The following PLEKHG1 variants were observed in gnomAD, a reference collection of about 807,000 sequenced individuals.
The protein encoded by PLEKHG1 is pleckstrin homology domain-containing family G member 1.
In PLEKHG1, 44 loss-of-function variants were observed where a neutral mutation model predicts 100.8. That is an observed-to-expected ratio of 0.44 (90% confidence interval 0.34 to 0.56). The LOEUF (loss-of-function observed/expected upper bound fraction) is 0.56. Ranked by LOEUF, PLEKHG1 falls within the 20% of genes least tolerant of loss-of-function variation. The probability of loss-of-function intolerance (pLI) is 0.01; values close to 1 mark genes in which losing one functional copy is unlikely to be tolerated. For synonymous variants in PLEKHG1, 640 were observed against 662.5 expected (o/e 0.97, Z 0.52); for missense variants, 1,545 against 1,720.9 (o/e 0.90, Z 1.81).
chr6:150,644,332 G>GGGTTTTTTTTTTTTT (rs1562404967), intron 2 of PLEKHG1, among the ~76,000 whole-genome samples: 4 of 96,562 alleles, frequency 4.1e-5, no homozygotes, highest in African/African-American at 1.8e-4. Flanking sequence ...TTTTCTTTTC[G>GGGTTTTTTTTTTTTT]TGTTTTTTTT....
chr6:150,792,357 C>CAAAA (rs34263748), intron 4 of PLEKHG1, among the ~76,000 whole-genome samples: 1 of 87,082 alleles, frequency 1.1e-5, no homozygotes, highest in African/African-American at 4.0e-5. Flanking sequence ...ACTCAGTCTC[C>CAAAA]AAAAAAAAAA....
At chr6:150,749,766 CT>C (rs1783387994) in intron 2 of PLEKHG1, among the ~76,000 whole-genome samples, 1 of 152,188 alleles carries the variant, frequency 6.6e-6, no homozygotes, top group Non-Finnish European at 1.5e-5. Context: ...TCAAGGACTA[CT>C]TTTGGTAAGA....
At chr6:150,608,724 A>T (rs1776703699) in intron 1 of PLEKHG1, among the ~76,000 whole-genome samples, 2 of 152,234 alleles carry the variant, frequency 1.3e-5, no homozygotes, top group Admixed American at 1.3e-4. Flanking sequence ...ATATTATGAA[A>T]AAAACTGTGT....
intron 1 of PLEKHG1, among the ~76,000 whole-genome samples, chr6:150,609,638 T>G (rs1469971391): frequency 6.6e-6 from 1 of 152,098 alleles, no homozygotes; most frequent in Non-Finnish European, 1.5e-5. Context: ...CGGGAGGATT[T>G]GAAGCAGGGG....
chr6:150,609,326 T>C (rs1776727704), intron 1 of PLEKHG1, among the ~76,000 whole-genome samples: 1 of 152,170 alleles, frequency 6.6e-6, no homozygotes, highest in African/African-American at 2.4e-5. Flanking sequence ...TTGTATTTGC[T>C]TGGGTGGTCA....
intron 15 of PLEKHG1, among the ~76,000 whole-genome samples, chr6:150,838,574 G>A (rs924200184): frequency 1.1e-4 from 17 of 152,182 alleles, no homozygotes; most frequent in African/African-American, 3.6e-4. Flanking sequence ...CTGGATTGGG[G>A]AGGGTGGCAG....
rs185699744 is a variant in PLEKHG1 at position 150,819,901 on chromosome 6, G to A, written c.1408+127G>A. The A allele has an allele frequency of 4.2e-4, 283 of 672,354 alleles. 3 individuals carry two copies. The highest frequency in any genetic ancestry group is 4.1e-3 in the African/African-American group (228 of 56,074). The allele number at this position is 672,354 out of a possible 1,614,324, so 41.6% of individuals were successfully genotyped here. A position where few individuals can be genotyped will look rare whatever the true frequency, so the allele number is the denominator to read the frequency against. On this transcript the variant is annotated intron_variant, in intron 12 of 15. Transcript: ENST00000358517. ...TCACTGCCGGTCTGAATACATTTGC[G>A]GCTGCCTTAAGATGGGACTCATGAG...
chr6:150,788,474 T>C (rs1251462488), intron 4 of PLEKHG1, among the ~76,000 whole-genome samples: 1 of 152,248 alleles, frequency 6.6e-6, no homozygotes, highest in African/African-American at 2.4e-5. Context: ...TGTCGTGGTA[T>C]GTGTAGGTTA....
At chr6:150,802,381 C>T (rs1786763337) in intron 6 of PLEKHG1, among the ~76,000 whole-genome samples, 1 of 152,134 alleles carries the variant, frequency 6.6e-6, no homozygotes. Flanking sequence ...AATATAATGT[C>T]TAAGACTGGT....
At chr6:150,812,807 GAC>G (rs1338590286) in intron 10 of PLEKHG1, among the ~76,000 whole-genome samples, 1 of 152,050 alleles carries the variant, frequency 6.6e-6, no homozygotes, top group Non-Finnish European at 1.5e-5. Flanking sequence ...AAGAGGATGG[GAC>G]ACACAGGAAT....
chr6:150,761,159 G>A (rs1784141375), intron 2 of PLEKHG1, among the ~76,000 whole-genome samples: 1 of 135,836 alleles, frequency 7.4e-6, no homozygotes, highest in Admixed American at 8.0e-5. Flanking sequence ...AGGCTGGAGT[G>A]CAGTGGCACA....
intron 15 of PLEKHG1, among the ~76,000 whole-genome samples, chr6:150,837,794 G>A (rs946752578): frequency 3.2e-4 from 48 of 152,302 alleles, no homozygotes; most frequent in African/African-American, 1.1e-3. Context: ...GGTGTCTGTG[G>A]AGACTTTTAC....
chr6:150,757,561 A>ATGTGTG (rs141610846), intron 2 of PLEKHG1, among the ~76,000 whole-genome samples: 1,667 of 150,242 alleles, frequency 0.011, 31 homozygotes, highest in African/African-American at 0.039. Context: ...GCACACAAGT[A>ATGTGTG]TGTGTGTGTG....
At chr6:150,693,603 T>C (rs1444669983) in intron 3 of PLEKHG1, among the ~76,000 whole-genome samples, 12 of 152,206 alleles carry the variant, frequency 7.9e-5, no homozygotes, top group Admixed American at 7.2e-4. Context: ...CACTCCCCCA[T>C]GTGTTTCGTC....
intron 3 of PLEKHG1, among the ~76,000 whole-genome samples, chr6:150,653,448 AT>A (rs1379162338): frequency 1.3e-5 from 2 of 152,138 alleles, no homozygotes; most frequent in Non-Finnish European, 2.9e-5. Flanking sequence ...CAAAAAAAAA[AT>A]AAAAGTAAAC....
intron 2 of PLEKHG1, among the ~76,000 whole-genome samples, chr6:150,647,257 G>A (rs1195279382): frequency 6.6e-6 from 1 of 152,092 alleles, no homozygotes; most frequent in African/African-American, 2.4e-5. Flanking sequence ...CTTTTATTTT[G>A]TCCTGCATAT....
chr6:150,750,731 A>C (rs1783463416), intron 2 of PLEKHG1, among the ~76,000 whole-genome samples: 1 of 129,236 alleles, frequency 7.7e-6, no homozygotes, highest in African/African-American at 3.4e-5. Context: ...CAGTGAGCCG[A>C]GATCCCGCCA....
At chr6:150,820,701 C>G (rs1776244283) in intron 12 of PLEKHG1, among the ~76,000 whole-genome samples, 1 of 151,956 alleles carries the variant, frequency 6.6e-6, no homozygotes, top group Admixed American at 6.6e-5. Context: ...CCTATCTCTA[C>G]TAAAAATACA....
At chr6:150,674,337 A>G (rs1646477994) in intron 3 of PLEKHG1, among the ~76,000 whole-genome samples, 1 of 152,212 alleles carries the variant, frequency 6.6e-6, no homozygotes, top group Admixed American at 6.5e-5. Context: ...AAGTTCAGTT[A>G]AGCAGAACTT....
Sources: allele counts gnomAD v4.1 joint callset (sites outside exome capture counted in the v4.1 genomes callset), GRCh38; gene constraint gnomAD v4.1.1; transcripts MANE v1.5; gene names NCBI Gene and HGNC (gene_info 2026-07-23, HGNC 2026-07-21).